The following CELF2 variants were observed in gnomAD, a reference collection of about 807,000 sequenced individuals.
CELF2 encodes the protein CUG triplet repeat RNA-binding protein 2.
A neutral mutation model predicts 62.6 loss-of-function variants in CELF2; 8 were observed. The observed-to-expected ratio is 0.13, with a 90% CI of 0.07 to 0.23. The LOEUF (loss-of-function observed/expected upper bound fraction) is 0.23, where lower values mean the gene tolerates loss of function less well. Ranked by LOEUF, CELF2 falls within the 10% of genes least tolerant of loss-of-function variation. The pLI, the probability that CELF2 is intolerant of heterozygous loss-of-function variation, is 1.00. For synonymous variants in CELF2, 258 were observed against 250.0 expected, an observed-to-expected ratio of 1.03 and a Z score of -0.30; for missense variants, 333 against 671.0, an observed-to-expected ratio of 0.50 and a Z score of 5.56.
the CELF2 span, among the ~76,000 whole-genome samples, chr10:10,603,056 A>G: frequency 1.3e-5 from 2 of 152,060 alleles, no homozygotes; most frequent in Admixed American, 1.3e-4. Context: ...CCAAGTAGAC[A>G]TAAAGCTGTT....
chr10:10,799,689 G>T (rs1012735052), intron 1 of CELF2, among the ~76,000 whole-genome samples: 2 of 143,846 alleles, frequency 1.4e-5, no homozygotes, highest in Non-Finnish European at 3.0e-5. Context: ...CTAAAAAAGT[G>T]CACTCTGACC....
At chr10:10,716,270 G>T in the CELF2 span, among the ~76,000 whole-genome samples, 1 of 152,198 alleles carries the variant, frequency 6.6e-6, no homozygotes, top group Non-Finnish European at 1.5e-5. Context: ...TTGAGGCCGG[G>T]CACAGTGGCT....
chr10:10,524,279 A>G, the CELF2 span, among the ~76,000 whole-genome samples: 1,170 of 152,190 alleles, frequency 7.7e-3, 10 homozygotes, highest in African/African-American at 0.027. Context: ...GGCAAAGCTC[A>G]TAGAAGTTTA....
chr10:11,333,900 A>AT lies in CELF2; in HGVS notation c.*4848dup, dbSNP rs1408073477. 6.6e-6 allele frequency: 1 copy of AT among 152,360 alleles called. No individual in the cohort carries two copies. Among genetic ancestry groups the AT allele is most frequent in the East Asian group, 1.9e-4 (1 of 5,196 alleles). 9.4% of individuals were successfully genotyped at this position (152,360 alleles called of 1,614,324 possible). On this transcript the variant is annotated 3_prime_UTR_variant, in exon 13 of 13. Transcript: ENST00000633077. The stretch of plus-strand genomic sequence containing the variant: ...TTTTATACTGGAGATTAAAAAAAAA[A>AT]TGGAAATTTTTGTGGCTTGCTCTGG...
At chr10:10,697,396 C>A in the CELF2 span, among the ~76,000 whole-genome samples, 1 of 152,192 alleles carries the variant, frequency 6.6e-6, no homozygotes, top group Non-Finnish European at 1.5e-5. Flanking sequence ...GTGGGCACTG[C>A]AGCATTGCTT....
chr10:10,945,808 C>A (rs1206628286), intron 2 of CELF2, among the ~76,000 whole-genome samples: 1 of 152,172 alleles, frequency 6.6e-6, no homozygotes, highest in Non-Finnish European at 1.5e-5. Context: ...AGGATAGAAG[C>A]CCCAGGAAAG....
intron 1 of CELF2, among the ~76,000 whole-genome samples, chr10:10,806,584 A>G (rs1172590357): frequency 1.3e-5 from 2 of 152,100 alleles, no homozygotes; most frequent in African/African-American, 4.8e-5. Context: ...TGTGGTAATG[A>G]CTTTCTGGAC....
In CELF2 at chr10:10,912,237, T is replaced by C. The variant is rs532682379; in HGVS notation, c.54-7727T>C. 5.8e-4 allele frequency among the ~76,000 whole-genome samples: 88 copies of C among 152,326 alleles called. 1 individual carries two copies. The highest frequency in any genetic ancestry group is 2.1e-3 in the African/African-American group (86 of 41,576). On this transcript the variant is annotated intron_variant, in intron 1 of 13. Coordinates refer to the CELF2 transcript ENST00000636488. Reference sequence around the variant, plus strand: ...CTCCCAGGACCACCCTGCATAAAATTACAGCCTCTGCCACCCTGCTTTTAC... The same window carrying C: ...CTCCCAGGACCACCCTGCATAAAATCACAGCCTCTGCCACCCTGCTTTTAC...
chr10:10,852,247 GACAACT>G (rs2059427774), intron 1 of CELF2, among the ~76,000 whole-genome samples: 1 of 152,146 alleles, frequency 6.6e-6, no homozygotes, highest in African/African-American at 2.4e-5. Context: ...CCATACAATG[GACAACT>G]ACTCAGCAAC....
Position 10,820,882 on chromosome 10 carries a change from A to G in CELF2, c.53+22065A>G, listed in dbSNP as rs573937935. Among the ~76,000 whole-genome samples the G allele has an allele frequency of 6.8e-4, 104 of 152,330 alleles. No individual in the cohort carries two copies. The South Asian group carries it at 0.018, about 26-fold the overall frequency. ...GCATTTCTACAAGTTCATTCTGAGA[A>G]TGGTGGAGAGGATGCATTTGAAGGG... On this transcript the variant is annotated intron_variant, in intron 1 of 13. Transcript: ENST00000636488.
chr10:11,192,625 G>A (rs75145578), intron 2 of CELF2, among the ~76,000 whole-genome samples: 2,107 of 152,362 alleles, frequency 0.014, 49 homozygotes, highest in African/African-American at 0.048. Flanking sequence ...TTGGAAAGCA[G>A]TGAGGGACGT....
chr10:10,502,518 G>C, the CELF2 span, among the ~76,000 whole-genome samples: 1 of 151,844 alleles, frequency 6.6e-6, no homozygotes, highest in African/African-American at 2.4e-5. Context: ...TTGAGGAAGT[G>C]ATTCATTTCA....
the CELF2 span, among the ~76,000 whole-genome samples, chr10:10,568,309 A>AG: frequency 1.3e-5 from 2 of 151,578 alleles, no homozygotes; most frequent in African/African-American, 4.9e-5. Flanking sequence ...ATGAGTCCGG[A>AG]GAAAAAAAAA....
intron 1 of CELF2, among the ~76,000 whole-genome samples, chr10:11,042,848 C>T (rs2062090078): frequency 6.6e-6 from 1 of 152,082 alleles, no homozygotes; most frequent in Admixed American, 6.6e-5. Flanking sequence ...GGAGATTTAT[C>T]CATGTTACAG....
the CELF2 span, among the ~76,000 whole-genome samples, chr10:10,596,660 C>T: frequency 1.8e-4 from 27 of 152,354 alleles, 2 homozygotes; most frequent in South Asian, 4.8e-3. Context: ...CTGGGGTGAG[C>T]GCCTGCAGGG....
chr10:10,843,761 A>G (rs2058833761), intron 1 of CELF2, among the ~76,000 whole-genome samples: 1 of 152,096 alleles, frequency 6.6e-6, no homozygotes, highest in Admixed American at 6.6e-5. Flanking sequence ...GTATTAAAGC[A>G]GTGACGACAT....
At chr10:10,845,382 C>T (rs2399576) in intron 1 of CELF2, among the ~76,000 whole-genome samples, 115,551 of 150,964 alleles carry the variant, frequency 0.77, 45,102 homozygotes, top group East Asian at 0.97. Context: ...CCTATGTTCT[C>T]GGGATAGTAT....
chr10:10,820,684 G>A (rs1490306165), intron 1 of CELF2, among the ~76,000 whole-genome samples: 1 of 152,182 alleles, frequency 6.6e-6, no homozygotes, highest in African/African-American at 2.4e-5. Flanking sequence ...CAAGAAAGGA[G>A]TTCCTGAGGA....
intron 1 of CELF2, among the ~76,000 whole-genome samples, chr10:11,162,549 G>A (rs1193387252): frequency 2.6e-5 from 4 of 150,984 alleles, no homozygotes; most frequent in Non-Finnish European, 5.9e-5. Context: ...AATCTGTGGA[G>A]ATGGAGACAC....
Sources: gnomAD v4.1 joint callset for allele counts (sites outside exome capture counted in the v4.1 genomes callset) on GRCh38, gnomAD v4.1.1 for gene constraint, MANE v1.5 for transcripts, NCBI Gene and HGNC (gene_info 2026-07-23, HGNC 2026-07-21) for gene names.